PSD3: variants seen among roughly 807,000 people sequenced by gnomAD.
PSD3 encodes the protein PH and SEC7 domain-containing protein 3.
In PSD3, 49 loss-of-function variants were observed where a neutral mutation model predicts 105.5. The ratio of observed to expected loss-of-function variants is 0.46; its 90% confidence interval spans 0.37 to 0.59. PSD3 has a LOEUF of 0.59. PSD3 is among the 20% of genes least tolerant of loss of function. The pLI is 0.00. For missense variants in PSD3, 1,561 were observed against 1,263.8 expected, an observed-to-expected ratio of 1.24 and a Z score of -3.57; for synonymous variants, 557 against 457.8, an observed-to-expected ratio of 1.22 and a Z score of -2.77.
At position 18,639,464 on chromosome 8, in the gene PSD3, C is replaced by A. The variant is rs373916831; in HGVS notation, c.2217-6658G>T. Among the ~76,000 whole-genome samples the A allele has an allele frequency of 1.5e-3, 227 of 152,192 alleles. 1 individual carries two copies. The highest frequency in any genetic ancestry group is 5.2e-3 in the African/African-American group (217 of 41,534). Reference sequence around the variant, plus strand: ...TGTTATGGGTTTAATTCAGTCCCCACAAGAGAAATTAAAGTACTAACTTCC... The same window carrying A: ...TGTTATGGGTTTAATTCAGTCCCCAAAAGAGAAATTAAAGTACTAACTTCC... On this transcript the variant is annotated intron_variant, in intron 10 of 15. Coordinates refer to ENST00000327040, the MANE Select transcript of PSD3 (RefSeq NM_015310.4).
At chr8:18,906,131 G>T (rs1819830252) in intron 2 of PSD3, among the ~76,000 whole-genome samples, 2 of 152,074 alleles carry the variant, frequency 1.3e-5, no homozygotes, top group Non-Finnish European at 2.9e-5. Flanking sequence ...TCAGAAAAGT[G>T]GTTTTCTTTG....
At chr8:18,602,960 G>T (rs1364247778) in intron 11 of PSD3, among the ~76,000 whole-genome samples, 1 of 152,210 alleles carries the variant, frequency 6.6e-6, no homozygotes, top group Non-Finnish European at 1.5e-5. Context: ...GTAAAGAGTT[G>T]TAACTTCACA....
chr8:18,862,156 T>C (rs895038522), intron 4 of PSD3, among the ~76,000 whole-genome samples: 2 of 152,202 alleles, frequency 1.3e-5, no homozygotes, highest in Admixed American at 1.3e-4. Flanking sequence ...CTTTCTTTTC[T>C]TGATTTTTGT....
chr8:18,560,832 A>C (rs977863397), intron 14 of PSD3, among the ~76,000 whole-genome samples: 9 of 152,224 alleles, frequency 5.9e-5, no homozygotes, highest in Non-Finnish European at 8.8e-5. Flanking sequence ...CTTCATATCG[A>C]AACTTAATCC....
At position 18,987,691 on chromosome 8, in the gene PSD3, G is replaced by A. The variant is rs191471394; in HGVS notation, c.21+25872C>T. 1.4e-4 allele frequency among the ~76,000 whole-genome samples: 22 copies of A among 152,152 alleles called. No individual in the cohort carries two copies. In the East Asian group the frequency reaches 4.1e-3, roughly 28 times the overall value. On this transcript the variant is annotated intron_variant, in intron 1 of 15. Coordinates refer to ENST00000327040, the MANE Select transcript of PSD3 (RefSeq NM_015310.4). Reference sequence around the variant, plus strand: ...AAAAGTCAGCCAGGTGTGGTGGCACGTGCTATAGTCCTAGCTACATAGGAG... The same window carrying A: ...AAAAGTCAGCCAGGTGTGGTGGCACATGCTATAGTCCTAGCTACATAGGAG...
chr8:18,648,647 G>A (rs992059151), intron 10 of PSD3, among the ~76,000 whole-genome samples: 8 of 152,220 alleles, frequency 5.3e-5, no homozygotes, highest in African/African-American at 1.9e-4. Context: ...TAAAAGGCAG[G>A]CAAGTGCTGA....
chr8:18,760,067 A>T (rs543488616), intron 9 of PSD3, among the ~76,000 whole-genome samples: 1 of 151,564 alleles, frequency 6.6e-6, no homozygotes, highest in Non-Finnish European at 1.5e-5. Context: ...AGAAATGCAG[A>T]GGATCAAGAC....
At chr8:19,078,188 G>C (rs1396058641) in intron 1 of PSD3, among the ~76,000 whole-genome samples, 3 of 151,972 alleles carry the variant, frequency 2.0e-5, no homozygotes, top group African/African-American at 7.3e-5. Flanking sequence ...GAGTCACCGA[G>C]CCAAGCCAGG....
At chr8:18,543,309 T>C (rs7013675) in intron 15 of PSD3, among the ~76,000 whole-genome samples, 112,941 of 151,996 alleles carry the variant, frequency 0.74, 42,137 homozygotes, top group East Asian at 0.85. Flanking sequence ...TCTTCGATTA[T>C]CTGTAAAAAT....
chr8:18,661,342 GA>G (rs1385271107), intron 9 of PSD3, among the ~76,000 whole-genome samples: 1 of 152,150 alleles, frequency 6.6e-6, no homozygotes, highest in Non-Finnish European at 1.5e-5. Context: ...CTCTCATGCA[GA>G]TACTTAGATC....
Position 18,867,714 on chromosome 8 carries a change from T to G in PSD3, c.1594A>C (p.Ile532Leu), listed in dbSNP as rs62636654. Residue 532 changes from isoleucine to leucine, a missense_variant, in exon 4 of 16, where the codon ATC (isoleucine) becomes CTC (leucine). Coordinates refer to ENST00000327040, the MANE Select transcript of PSD3 (RefSeq NM_015310.4). Reference protein sequence around the residue: ...TNGLNDASDSIYTKGTPEIAF... With the variant: ...TNGLNDASDSLYTKGTPEIAF... Reference sequence around the variant, plus strand: ...ATCTCCGGGGTGCCTTTCGTGTAGATGGAGTCGCTGGCATCATTCAGCCCA... The same window carrying G: ...ATCTCCGGGGTGCCTTTCGTGTAGAGGGAGTCGCTGGCATCATTCAGCCCA... 5.7e-4 allele frequency: 921 copies of G among 1,613,644 alleles called. 3 individuals are homozygous for G. In the African/African-American group the frequency reaches 0.011, roughly 20 times the overall value.
intron 9 of PSD3, among the ~76,000 whole-genome samples, chr8:18,737,760 T>C (rs1447211819): frequency 6.6e-6 from 1 of 152,214 alleles, no homozygotes; most frequent in Non-Finnish European, 1.5e-5. Flanking sequence ...TATCACTTTC[T>C]AACTTTAAAG....
chr8:18,781,299 C>T (rs1334353730), intron 8 of PSD3, among the ~76,000 whole-genome samples: 3 of 152,212 alleles, frequency 2.0e-5, no homozygotes, highest in Non-Finnish European at 4.4e-5. Context: ...TTATCCTACA[C>T]AGCCCTTCTG....
intron 1 of PSD3, among the ~76,000 whole-genome samples, chr8:19,058,391 A>G (rs1828779390): frequency 6.7e-6 from 1 of 148,954 alleles, no homozygotes; most frequent in African/African-American, 2.4e-5. Flanking sequence ...ATTTATATAA[A>G]TATATTTATA....
chr8:18,594,422 C>T (rs1250559811), intron 12 of PSD3, among the ~76,000 whole-genome samples: 3 of 115,596 alleles, frequency 2.6e-5, no homozygotes, highest in African/African-American at 7.1e-5. Flanking sequence ...AAATAATATA[C>T]ATTATATATA....
chr8:18,788,928 G>A (rs970610619), intron 8 of PSD3, among the ~76,000 whole-genome samples: 1 of 152,070 alleles, frequency 6.6e-6, no homozygotes, highest in South Asian at 2.1e-4. Context: ...TATGACTGGG[G>A]GGCAAAGGAG....
intron 1 of PSD3, among the ~76,000 whole-genome samples, chr8:18,969,869 T>C (rs2129471905): frequency 6.6e-6 from 1 of 151,936 alleles, no homozygotes; most frequent in Admixed American, 6.6e-5. Context: ...ATATAAATAT[T>C]TAAAAAAAAA....
chr8:18,830,792 T>C (rs1353800164), intron 4 of PSD3, among the ~76,000 whole-genome samples: 1 of 152,166 alleles, frequency 6.6e-6, no homozygotes, highest in East Asian at 1.9e-4. Flanking sequence ...CTGCTTCCCG[T>C]TTCAGGGTTC....
At chr8:19,042,103 A>G (rs1193464993) in intron 1 of PSD3, among the ~76,000 whole-genome samples, 2 of 152,232 alleles carry the variant, frequency 1.3e-5, no homozygotes, top group Non-Finnish European at 2.9e-5. Context: ...GGAACAAAAC[A>G]AAACTGATGA....
Sources: gnomAD v4.1 joint callset for allele counts (sites outside exome capture counted in the v4.1 genomes callset) on GRCh38, gnomAD v4.1.1 for gene constraint, MANE v1.5 for transcripts, NCBI Gene and HGNC (gene_info 2026-07-23, HGNC 2026-07-21) for gene names.